The following LRRK1 variants were observed in gnomAD, a reference collection of about 807,000 sequenced individuals.
LRRK1 encodes the protein leucine-rich repeat serine/threonine-protein kinase 1.
LRRK1 carries 113 observed loss-of-function variants against 209.1 expected under a neutral mutation model. That is an observed-to-expected ratio of 0.54 (90% CI 0.46 to 0.63). The LOEUF (loss-of-function observed/expected upper bound fraction) is 0.63. Ranked by LOEUF, LRRK1 falls within the 30% of genes least tolerant of loss-of-function variation. LRRK1 has a pLI of 0.00. For synonymous variants in LRRK1, 1,144 were observed against 1,099.7 expected (o/e 1.04, Z -0.80); for missense variants, 2,284 against 2,632.2 (o/e 0.87, Z 2.89).
chr15:100,922,408 C>G (rs2042035970), intron 1 of LRRK1, among the ~76,000 whole-genome samples: 2 of 151,942 alleles, frequency 1.3e-5, no homozygotes, highest in South Asian at 4.2e-4. Context: ...ACAAAATGTG[C>G]TGGGTGAGGG....
At chr15:100,978,164 C>T (rs1291032909) in intron 3 of LRRK1, among the ~76,000 whole-genome samples, 2 of 151,814 alleles carry the variant, frequency 1.3e-5, no homozygotes, top group African/African-American at 4.8e-5. Flanking sequence ...AGGGAGAATA[C>T]AGAACAGTAG....
intron 23 of LRRK1, among the ~76,000 whole-genome samples, chr15:101,051,113 C>T (rs1166978395): frequency 6.6e-6 from 1 of 152,210 alleles, no homozygotes; most frequent in East Asian, 1.9e-4. Context: ...CTGGAAAGTT[C>T]TAGGCATCCA....
chr15:101,057,112 C>A (rs1275439629), intron 28 of LRRK1, 62 bp downstream of exon 28: 1 of 1,450,480 alleles, frequency 6.9e-7, no homozygotes, highest in Non-Finnish European at 9.3e-7. Flanking sequence ...GCTGTGGGTC[C>A]CCAGGGGGTG....
At chr15:100,924,136 G>C (rs1297135204) in intron 1 of LRRK1, among the ~76,000 whole-genome samples, 1 of 152,244 alleles carries the variant, frequency 6.6e-6, no homozygotes, top group African/African-American at 2.4e-5. Flanking sequence ...CCCCACTGGA[G>C]TGTGCCCCTG....
chr15:100,984,697 A>G (rs2031779403), intron 4 of LRRK1, among the ~76,000 whole-genome samples: 1 of 151,954 alleles, frequency 6.6e-6, no homozygotes, highest in African/African-American at 2.4e-5. Context: ...ATTCCATTGT[A>G]TTGGTGTACC....
chr15:101,057,922 A>G (rs2035906484), intron 28 of LRRK1, 68 bp from the exon 29 acceptor site: 1 of 1,557,288 alleles, frequency 6.4e-7, no homozygotes, highest in Admixed American at 1.7e-5. Context: ...GGCTGATCTC[A>G]TGGGCAGAAC....
chr15:100,927,226 G>A (rs749006565), intron 2 of LRRK1, among the ~76,000 whole-genome samples: 13 of 152,190 alleles, frequency 8.5e-5, no homozygotes, highest in South Asian at 2.1e-4. Flanking sequence ...GGACCGGGGC[G>A]CAATGGGCTT....
At position 100,930,187 on chromosome 15, in the gene LRRK1, T is replaced by C. The variant is rs79183809; in HGVS notation, c.97+5458T>C. On this transcript the variant is annotated intron_variant, in intron 2 of 33. Coordinates refer to ENST00000388948, the MANE Select transcript of LRRK1 (RefSeq NM_024652.6). ...ACCAGGCTTTATTCATTTAGACAGA[T>C]CGGAATCCCTTAACCCATTTCTTGG... Among the ~76,000 whole-genome samples, 1,429 of 152,344 alleles carry C rather than the reference T, an allele frequency of 9.4e-3. 22 individuals carry two copies. The highest frequency in any genetic ancestry group is 0.033 in the African/African-American group (1,365 of 41,576).
intron 20 of LRRK1, among the ~76,000 whole-genome samples, chr15:101,032,348 T>C (rs1439336255): frequency 6.6e-6 from 1 of 152,182 alleles, no homozygotes; most frequent in Non-Finnish European, 1.5e-5. Flanking sequence ...TTGTTACATA[T>C]GTACACATGT....
At chr15:100,974,501 G>A (rs1367633883) in intron 3 of LRRK1, among the ~76,000 whole-genome samples, 1 of 152,104 alleles carries the variant, frequency 6.6e-6, no homozygotes, top group Non-Finnish European at 1.5e-5. Context: ...GCTGCTGCTC[G>A]TACTTTTATA....
intron 2 of LRRK1, among the ~76,000 whole-genome samples, chr15:100,973,460 C>T (rs1438232266): frequency 9.9e-5 from 15 of 152,212 alleles, no homozygotes; most frequent in Non-Finnish European, 1.0e-4. Flanking sequence ...ACCCGCGGCT[C>T]TCTCGCCAAA....
Position 100,948,524 on chromosome 15 carries a change from T to C in LRRK1, c.97+23795T>C, listed in dbSNP as rs28687944. ...TAACCCTTTGTCTATACGTTGCAAA[T>C]TTTTTTTTCTAAGTCGCCATTTGTC... On this transcript the variant is annotated intron_variant, in intron 2 of 33. Transcript: ENST00000388948. 2.3e-3 allele frequency among the ~76,000 whole-genome samples: 355 copies of C among 152,120 alleles called. 6 individuals are homozygous for C. The highest frequency in any genetic ancestry group is 7.9e-3 in the African/African-American group (329 of 41,514).
chr15:100,945,292 T>A (rs922087549), intron 2 of LRRK1, among the ~76,000 whole-genome samples: 11 of 152,296 alleles, frequency 7.2e-5, no homozygotes, highest in African/African-American at 2.6e-4. Flanking sequence ...CATGTGTGCG[T>A]GTCTGTTTCC....
At chr15:100,941,200 TTC>T (rs1228598608) in intron 2 of LRRK1, among the ~76,000 whole-genome samples, 6 of 142,420 alleles carry the variant, frequency 4.2e-5, no homozygotes, top group Admixed American at 4.2e-4. Flanking sequence ...GCATGTGTGT[TTC>T]TGTGTGTGTC....
chr15:101,040,383 GATATTA>G (rs143231120), intron 20 of LRRK1, among the ~76,000 whole-genome samples: 1 of 151,822 alleles, frequency 6.6e-6, no homozygotes, highest in East Asian at 1.9e-4. Flanking sequence ...TCTCTCTCCT[GATATTA>G]ATAATATGTC....
chr15:101,053,524 G>A, intron 26 of LRRK1, 104 bp downstream of exon 26: 1 of 1,012,882 alleles, frequency 9.9e-7, no homozygotes, highest in Admixed American at 2.4e-5. Flanking sequence ...GGCAAGCCCA[G>A]GGCACGCCCA....
intron 30 of LRRK1, 100 bp from the exon 31 acceptor site, chr15:101,062,474 A>AG (rs1441237325): frequency 2.4e-6 from 2 of 819,086 alleles, no homozygotes; most frequent in Non-Finnish European, 4.3e-6. Flanking sequence ...CAAGACCCAT[A>AG]GGGGATCCCC....
intron 21 of LRRK1, 129 bp downstream of exon 21, chr15:101,046,281 A>G (rs2035072060): frequency 2.9e-6 from 3 of 1,045,420 alleles, no homozygotes; most frequent in African/African-American, 1.6e-5. Flanking sequence ...CATGCCACCA[A>G]TGTAGTGCCA....
At chr15:101,055,733 T>C (rs762826992) in intron 27 of LRRK1, among the ~76,000 whole-genome samples, 1 of 152,178 alleles carries the variant, frequency 6.6e-6, no homozygotes, top group Non-Finnish European at 1.5e-5. Context: ...CCAGCCTCAG[T>C]TGAGACAATG....
Sources: allele counts gnomAD v4.1 joint callset (sites outside exome capture counted in the v4.1 genomes callset), GRCh38; gene constraint gnomAD v4.1.1; transcripts MANE v1.5; gene names NCBI Gene and HGNC (gene_info 2026-07-23, HGNC 2026-07-21).